The following OPCML variants were observed in gnomAD, a reference collection of about 807,000 sequenced individuals.
The protein encoded by OPCML is opioid binding protein/cell adhesion molecule like.
In OPCML, 13 loss-of-function variants were observed where a neutral mutation model predicts 37.8. The observed-to-expected ratio is 0.34, with a 90% CI of 0.22 to 0.55. The LOEUF (loss-of-function observed/expected upper bound fraction) is 0.55. Among genes scored for constraint, OPCML ranks in the 20% least tolerant of loss-of-function variants. The pLI is 0.91. For missense variants in OPCML, 341 were observed against 435.6 expected, an observed-to-expected ratio of 0.78 and a Z score of 1.93; for synonymous variants, 176 against 168.8, an observed-to-expected ratio of 1.04 and a Z score of -0.33.
chr11:133,481,444 A>AAATAAAT (rs57311169), intron 1 of OPCML, among the ~76,000 whole-genome samples: 5,977 of 150,130 alleles, frequency 0.04, 143 homozygotes, highest in African/African-American at 0.059. Context: ...CCCAGTTAAA[A>AAATAAAT]AAATAAATAA....
chr11:133,242,529 C>T (rs187710231), intron 1 of OPCML, among the ~76,000 whole-genome samples: 19 of 152,290 alleles, frequency 1.2e-4, no homozygotes, highest in Admixed American at 1.2e-3. Context: ...AATGCTATGT[C>T]CTCATGGGGT....
chr11:132,832,402 T>C (rs939684388), intron 2 of OPCML, among the ~76,000 whole-genome samples: 16 of 152,236 alleles, frequency 1.1e-4, no homozygotes, highest in African/African-American at 3.9e-4. Flanking sequence ...AATCTTTCTC[T>C]GACTTCCTCA....
intron 1 of OPCML, among the ~76,000 whole-genome samples, chr11:132,996,324 A>AAAAC (rs1946884258): frequency 6.6e-6 from 1 of 152,128 alleles, no homozygotes; most frequent in Non-Finnish European, 1.5e-5. Context: ...GATAAAGATT[A>AAAAC]AAACTTGATT....
chr11:133,469,513 A>G (rs1430330604), intron 1 of OPCML, among the ~76,000 whole-genome samples: 6 of 152,272 alleles, frequency 3.9e-5, no homozygotes, highest in Middle Eastern at 3.4e-3. Context: ...TTTTTGCTCC[A>G]GTTTCACCCT....
intron 2 of OPCML, among the ~76,000 whole-genome samples, chr11:132,907,343 C>A (rs1411318065): frequency 6.6e-6 from 1 of 152,016 alleles, no homozygotes; most frequent in East Asian, 1.9e-4. Flanking sequence ...TCCATTTGTC[C>A]TTTGTCTGCT....
At chr11:132,771,080 T>C (rs2136122967) in intron 2 of OPCML, among the ~76,000 whole-genome samples, 1 of 152,276 alleles carries the variant, frequency 6.6e-6, no homozygotes, top group East Asian at 1.9e-4. Context: ...AGAAACCATC[T>C]GGAAGAGCAA....
chr11:133,394,069 C>T (rs1945234330), intron 1 of OPCML, among the ~76,000 whole-genome samples: 1 of 152,216 alleles, frequency 6.6e-6, no homozygotes, highest in Admixed American at 6.5e-5. Context: ...TGCAACATGT[C>T]CTGTTGACTT....
At chr11:132,466,409 G>T (rs1379707510) in intron 4 of OPCML, among the ~76,000 whole-genome samples, 3 of 151,092 alleles carry the variant, frequency 2.0e-5, no homozygotes, top group Non-Finnish European at 4.4e-5. Context: ...GCGTGAACCC[G>T]CGAGGCGGAG....
intron 4 of OPCML, among the ~76,000 whole-genome samples, chr11:132,474,078 C>T (rs920562698): frequency 1.3e-5 from 2 of 152,064 alleles, no homozygotes; most frequent in African/African-American, 4.8e-5. Flanking sequence ...TGGAGAGGAG[C>T]CTGCTCGGGC....
At chr11:132,939,317 T>G (rs1006793377) in intron 2 of OPCML, among the ~76,000 whole-genome samples, 1 of 152,204 alleles carries the variant, frequency 6.6e-6, no homozygotes, top group African/African-American at 2.4e-5. Context: ...AGATTATTCC[T>G]TGGCAGTAGT....
chr11:132,997,496 T>C (rs1335776888), intron 1 of OPCML, among the ~76,000 whole-genome samples: 5 of 152,200 alleles, frequency 3.3e-5, no homozygotes, highest in Non-Finnish European at 7.3e-5. Flanking sequence ...GATTGGCACA[T>C]CCCAGATATG....
At chr11:133,244,584 G>A (rs961770366) in intron 1 of OPCML, among the ~76,000 whole-genome samples, 3 of 152,266 alleles carry the variant, frequency 2.0e-5, no homozygotes, top group Middle Eastern at 3.4e-3. Context: ...GAGGGGCCTC[G>A]TGGGAGGGGA....
intron 4 of OPCML, among the ~76,000 whole-genome samples, chr11:132,441,158 C>CTTTTTTTTTTTTTTTTTTTTTTTTTT (rs749099654): frequency 6.5e-5 from 7 of 108,056 alleles, no homozygotes; most frequent in Admixed American, 9.4e-5. Flanking sequence ...TCACCAAGGA[C>CTTTTTTTTTTTTTTTTTTTTTTTTTT]TTTTTTGTTT....
intron 1 of OPCML, among the ~76,000 whole-genome samples, chr11:133,249,607 C>T (rs996597239): frequency 2.0e-5 from 3 of 152,100 alleles, no homozygotes; most frequent in Non-Finnish European, 4.4e-5. Flanking sequence ...AAGACAAAGG[C>T]GGAGGAGAGA....
chr11:133,280,331 T>C (rs1942110218), intron 1 of OPCML, among the ~76,000 whole-genome samples: 1 of 152,206 alleles, frequency 6.6e-6, no homozygotes, highest in South Asian at 2.1e-4. Flanking sequence ...CACCATTAGA[T>C]GTTGCAGTAG....
intron 2 of OPCML, among the ~76,000 whole-genome samples, chr11:132,809,353 C>T (rs1939196443): frequency 6.6e-6 from 1 of 152,074 alleles, no homozygotes; most frequent in African/African-American, 2.4e-5. Flanking sequence ...ACCTCAGTTC[C>T]CCCCATACTC....
At chr11:132,887,858 T>C (rs939858994) in intron 2 of OPCML, among the ~76,000 whole-genome samples, 1 of 152,214 alleles carries the variant, frequency 6.6e-6, no homozygotes, top group Non-Finnish European at 1.5e-5. Context: ...GCCTAAGCTG[T>C]GCCATGTGAA....
At chr11:132,534,330 T>C (rs1162962674) in intron 3 of OPCML, among the ~76,000 whole-genome samples, 1 of 152,164 alleles carries the variant, frequency 6.6e-6, no homozygotes, top group Non-Finnish European at 1.5e-5. Context: ...TTGTTTAACA[T>C]CTCTCTGGCC....
At chr11:132,820,823 A>G (rs1337185889) in intron 2 of OPCML, among the ~76,000 whole-genome samples, 1 of 152,178 alleles carries the variant, frequency 6.6e-6, no homozygotes, top group Non-Finnish European at 1.5e-5. Context: ...AGGATATACA[A>G]TCTGTAGCTT....
Sources: allele counts gnomAD v4.1 joint callset (sites outside exome capture counted in the v4.1 genomes callset), GRCh38; gene constraint gnomAD v4.1.1; transcripts MANE v1.5; gene names NCBI Gene and HGNC (gene_info 2026-07-23, HGNC 2026-07-21).